Variants in TOP1MT observed in about 807,000 individuals in gnomAD.
TOP1MT encodes the protein DNA topoisomerase I mitochondrial.
Under a neutral mutation model 73.9 loss-of-function variants are expected in TOP1MT, and 80 were observed. The observed-to-expected ratio is 1.08, with a 90% CI of 0.90 to 1.30. TOP1MT has a LOEUF of 1.30. Ranked by LOEUF, TOP1MT falls within the 50% of genes most tolerant of loss-of-function variation. The pLI is 0.00. For missense variants in TOP1MT, 815 were observed against 808.0 expected (o/e 1.01, Z -0.10); for synonymous variants, 338 against 326.4 (o/e 1.04, Z -0.38).
chr8:143,320,324 G>A (rs574166852), intron 8 of TOP1MT, among the ~76,000 whole-genome samples: 83 of 152,186 alleles, frequency 5.5e-4, no homozygotes, highest in East Asian at 4.1e-3. Flanking sequence ...TAGAGACGGG[G>A]TTTCACCATG....
At chr8:143,348,474 C>G (rs1194843148), upstream of TOP1MT, among the ~76,000 whole-genome samples, 1 of 152,158 alleles carries the variant, frequency 6.6e-6, no homozygotes, top group Non-Finnish European at 1.5e-5. The surrounding 1 kb of genome is among the most constrained non-coding windows in gnomAD (Gnocchi z 4.6). Flanking sequence ...CGACCTCCCC[C>G]ACAAGCCCAG....
At chr8:143,321,441 C>T in intron 7 of TOP1MT, 55 bp from the exon 8 acceptor site, 2 of 1,466,762 alleles carry the variant, frequency 1.4e-6, no homozygotes, top group South Asian at 1.3e-5. Context: ...ACGCCACACA[C>T]ACGCACGCCA....
chr8:143,322,519 A>AACAAGCACACCAC (rs1816480804), intron 7 of TOP1MT, among the ~76,000 whole-genome samples: 1 of 76,022 alleles, frequency 1.3e-5, no homozygotes. Context: ...CACGCCACAC[A>AACAAGCACACCAC]ACAGGCACGC....
chr8:143,328,823 A>G (rs1298547941), intron 3 of TOP1MT, among the ~76,000 whole-genome samples: 1 of 152,228 alleles, frequency 6.6e-6, no homozygotes, highest in Non-Finnish European at 1.5e-5. Context: ...GGTGTGGGGC[A>G]GACAGAAACC....
chr8:143,323,979 G>A lies in TOP1MT; in HGVS notation c.960+20C>T. 6.2e-7 allele frequency: 1 copy of A among 1,610,462 alleles called. No individual in the cohort carries two copies. The highest frequency in any genetic ancestry group is 8.5e-7 in the Non-Finnish European group (1 of 1,177,374). On this transcript the variant is annotated intron_variant, in intron 7 of 13. Transcript: ENST00000329245. ...GAGAACCAGGATGAAGAGCCGCCAG[G>A]AAGCGAGAAGGCCGCATACCTTATC...
At chr8:143,321,624 CGCCACACACAGGCACGCCACACACAG>C (rs1816377227) in intron 7 of TOP1MT, among the ~76,000 whole-genome samples, 8 of 59,788 alleles carry the variant, frequency 1.3e-4, no homozygotes, top group Non-Finnish European at 3.2e-4. Context: ...GCCACACGCA[CGCCACACACAGGCACGCCACACACAG>C]GCACGCCACA....
intron 7 of TOP1MT, among the ~76,000 whole-genome samples, 172 bp from the exon 8 acceptor site, chr8:143,321,558 C>A (rs1816366574): frequency 1.0e-5 from 1 of 97,948 alleles, no homozygotes; most frequent in African/African-American, 3.6e-5. Context: ...ACACGCACGC[C>A]ACACACACGC....
At chr8:143,338,325 TG>T (rs1223902715), upstream of TOP1MT, among the ~76,000 whole-genome samples, 4 of 152,070 alleles carry the variant, frequency 2.6e-5, no homozygotes, top group African/African-American at 7.2e-5. Context: ...CTCAGCACTT[TG>T]GGAGGCCAAG....
At chr8:143,319,498 C>T (rs1372864889) in intron 8 of TOP1MT, among the ~76,000 whole-genome samples, 1 of 152,028 alleles carries the variant, frequency 6.6e-6, no homozygotes, top group Non-Finnish European at 1.5e-5. Context: ...GGAGTTCGTG[C>T]GTGGATCTGT....
Position 143,317,763 on chromosome 8 carries a change from G to C in TOP1MT, c.1290C>G (p.Ala430=), listed in dbSNP as rs979155859. ...GCAGCTGCTCCTGCAGAGTGATGGAGGCGTTGTAGGTCCGGAACACCTTGG... is the reference window on the plus strand; with the variant it reads ...GCAGCTGCTCCTGCAGAGTGATGGACGCGTTGTAGGTCCGGAACACCTTGG... ...LTAKVFRTYN[A]SITLQEQLRA... is the part of the protein sequence containing the mutation. Residue 430 remains alanine, a synonymous_variant, in exon 10 of 14, where the codon GCC becomes GCG. Coordinates refer to ENST00000329245, the MANE Select transcript of TOP1MT (RefSeq NM_052963.3). 1 of 1,614,142 alleles carries C rather than the reference G, an allele frequency of 6.2e-7. No homozygotes were observed. Among genetic ancestry groups the C allele is most frequent in the Non-Finnish European group, 8.5e-7 (1 of 1,180,022 alleles).
At chr8:143,340,914 CTCCTT>C (rs1160194851) in intron 2 of TOP1MT, among the ~76,000 whole-genome samples, 3 of 152,324 alleles carry the variant, frequency 2.0e-5, no homozygotes, top group South Asian at 4.1e-4. Context: ...GCCCGTAACT[CTCCTT>C]TCTGCTCAGT....
chr8:143,323,690 CCACA>C (rs145332042), intron 7 of TOP1MT, among the ~76,000 whole-genome samples: 18 of 69,732 alleles, frequency 2.6e-4, no homozygotes, highest in African/African-American at 4.3e-4. Flanking sequence ...CACATGCACG[CCACA>C]CACACAGGCA....
At chr8:143,329,726 T>C (rs763709307) in intron 2 of TOP1MT, among the ~76,000 whole-genome samples, 43 of 152,190 alleles carry the variant, frequency 2.8e-4, no homozygotes, top group Non-Finnish European at 5.4e-4. Flanking sequence ...TGCTTTCTCC[T>C]CCTTTACCAC....
chr8:143,312,807 G>A (rs1816048167), intron 12 of TOP1MT, among the ~76,000 whole-genome samples: 1 of 152,228 alleles, frequency 6.6e-6, no homozygotes, highest in Non-Finnish European at 1.5e-5. Context: ...ACAGTCCTAA[G>A]GGCCAGGCAT....
rs751315599 is a variant in TOP1MT at position 143,315,818 on chromosome 8, G to A, written c.1462C>T (p.Gln488Ter). The change falls in exon 12 of 14, where the codon CAG (glutamine) becomes TAG (stop). Residue 488 changes from glutamine (Q) to a stop codon, truncating the protein, a stop_gained. Transcript: ENST00000329245. LOFTEE classifies it high-confidence loss of function. ...TCAGCCACCTGCTCCTTCTTTGCCT[G>A]GATCTGCAGGAAAAGGGTCCAGACA... The part of the protein sequence containing the change: ...KSMQNLQTKI[Q>*]AKKEQVAEAR... 6.2e-7 allele frequency: 1 copy of A among 1,613,398 alleles called. No individual in the cohort carries two copies. The highest frequency in any genetic ancestry group is 8.5e-7 in the Non-Finnish European group (1 of 1,180,018).
At chr8:143,343,631 A>G (rs2450782) in intron 1 of TOP1MT, 150,330 of 176,568 alleles carry the variant, frequency 0.85, 64,083 homozygotes, top group South Asian at 0.92. Context: ...CCAACACCAC[A>G]GCAGTTCAGA....
chr8:143,325,284 AAGCCAG>A, intron 5 of TOP1MT, 56 bp downstream of exon 5: 1 of 1,460,404 alleles, frequency 6.8e-7, no homozygotes, highest in Non-Finnish European at 9.2e-7. Context: ...AGGTGAAGAA[AAGCCAG>A]CCTCACCCGG....
intron 1 of TOP1MT, chr8:143,334,276 C>A (rs114401435): frequency 6.5e-6 from 1 of 153,038 alleles, no homozygotes; most frequent in Admixed American, 6.5e-5. Flanking sequence ...TGGATCCATG[C>A]GGCTTGTGCC....
intron 1 of TOP1MT, among the ~76,000 whole-genome samples, chr8:143,353,671 C>T (rs2450751): frequency 0.11 from 17,184 of 151,920 alleles, 3,293 homozygotes; most frequent in African/African-American, 0.39. Flanking sequence ...GAATGTAAAA[C>T]GGTAATGCTG....
Sources: allele counts gnomAD v4.1 joint callset (sites outside exome capture counted in the v4.1 genomes callset), GRCh38; gene constraint gnomAD v4.1.1; non-coding constraint Gnocchi (gnomAD v3.1); transcripts MANE v1.5; gene names NCBI Gene and HGNC (gene_info 2026-07-23, HGNC 2026-07-21).